MYO16: variants seen among roughly 807,000 people sequenced by gnomAD.
MYO16 encodes unconventional myosin-XVI.
A neutral mutation model predicts 205.3 loss-of-function variants in MYO16; 94 were observed. The ratio of observed to expected loss-of-function variants is 0.46; its 90% CI spans 0.39 to 0.54. MYO16 has a LOEUF of 0.54. Among genes scored for constraint, MYO16 ranks in the 20% least tolerant of loss-of-function variants. The pLI is 0.00. For synonymous variants in MYO16, 988 were observed against 954.0 expected, an observed-to-expected ratio of 1.04 and a Z score of -0.66; for missense variants, 2,315 against 2,387.5, an observed-to-expected ratio of 0.97 and a Z score of 0.63.
chr13:108,561,392 C>G, the MYO16 span, among the ~76,000 whole-genome samples: 1 of 152,222 alleles, frequency 6.6e-6, no homozygotes, highest in Non-Finnish European at 1.5e-5. Flanking sequence ...CCTGGCAAAA[C>G]CCTTGCTGAC....
At chr13:109,116,647 CT>C (rs1233008175) in intron 28 of MYO16, among the ~76,000 whole-genome samples, 1 of 152,206 alleles carries the variant, frequency 6.6e-6, no homozygotes, top group Admixed American at 6.5e-5. Context: ...ATAATTTACC[CT>C]CCATATCTGA....
At chr13:109,200,562 A>C (rs1880355343) in intron 34 of MYO16, among the ~76,000 whole-genome samples, 1 of 152,174 alleles carries the variant, frequency 6.6e-6, no homozygotes, top group South Asian at 2.1e-4. Flanking sequence ...TATGTGTGTA[A>C]GTTTCACCTT....
chr13:108,573,210 A>G, the MYO16 span, among the ~76,000 whole-genome samples: 2 of 152,224 alleles, frequency 1.3e-5, no homozygotes, highest in Non-Finnish European at 2.9e-5. Flanking sequence ...GAAACCAGCA[A>G]CAAGTGGGAG....
the MYO16 span, among the ~76,000 whole-genome samples, chr13:108,571,151 T>C: frequency 6.6e-6 from 1 of 152,182 alleles, no homozygotes; most frequent in African/African-American, 2.4e-5. Flanking sequence ...TTTTTTTCTT[T>C]GGACTCTTAA....
At chr13:108,866,327 A>T (rs537861887) in intron 12 of MYO16, 85 bp downstream of exon 12, 11 of 770,922 alleles carry the variant, frequency 1.4e-5, no homozygotes, top group Non-Finnish European at 2.0e-5. Context: ...ACTAAAAAAA[A>T]CAGGCAAACT....
At chr13:108,659,241 T>G (rs560966998) in intron 1 of MYO16, 1 of 161,650 alleles carries the variant, frequency 6.2e-6, no homozygotes, top group East Asian at 1.7e-4. Flanking sequence ...ATATATGCTA[T>G]ATATGATATA....
At chr13:109,128,746 G>T (rs1388934513) in intron 31 of MYO16, among the ~76,000 whole-genome samples, 1 of 150,988 alleles carries the variant, frequency 6.6e-6, no homozygotes, top group Admixed American at 6.6e-5. Context: ...TGTGCTGAGA[G>T]CACTTAGTGT....
intron 14 of MYO16, among the ~76,000 whole-genome samples, chr13:108,895,778 G>GAC (rs1162379526): frequency 1.3e-5 from 2 of 152,214 alleles, no homozygotes; most frequent in Non-Finnish European, 2.9e-5. Context: ...CACATGCACA[G>GAC]ACACATCACC....
intron 5 of MYO16, among the ~76,000 whole-genome samples, chr13:108,792,877 A>G (rs1395601427): frequency 6.6e-6 from 1 of 152,072 alleles, no homozygotes; most frequent in Non-Finnish European, 1.5e-5. Flanking sequence ...GGCCAGAAAA[A>G]TCAAAGAGAT....
intron 27 of MYO16, among the ~76,000 whole-genome samples, chr13:109,086,806 C>T (rs1888447173): frequency 6.6e-6 from 1 of 152,102 alleles, no homozygotes; most frequent in Admixed American, 6.6e-5. Context: ...TCAAAGGCAA[C>T]AGATCTATAT....
rs368952655 is a variant in MYO16, at chr13:109,184,755, C to A, written c.5415+5122C>A. 9.9e-4 allele frequency among the ~76,000 whole-genome samples: 151 copies of A among 151,780 alleles called. No individual in the cohort carries two copies. The South Asian group carries it at 0.028, about 28-fold the overall frequency. ...GGGATTACAGGCGCGTGCCACCACACTTGGCTAATTTTTTTCTTTTTTTTT... is the reference window on the plus strand; with the variant it reads ...GGGATTACAGGCGCGTGCCACCACAATTGGCTAATTTTTTTCTTTTTTTTT... On this transcript the variant is annotated intron_variant, in intron 34 of 34. Transcript: ENST00000457511.
intron 1 of MYO16, among the ~76,000 whole-genome samples, chr13:108,609,424 G>A (rs1052412676): frequency 6.6e-5 from 10 of 152,290 alleles, no homozygotes; most frequent in African/African-American, 2.4e-4. Flanking sequence ...GGTCTGTTCT[G>A]CTCACGGCAC....
At chr13:109,001,377 G>T (rs1169768940) in intron 21 of MYO16, among the ~76,000 whole-genome samples, 2 of 152,080 alleles carry the variant, frequency 1.3e-5, no homozygotes, top group Admixed American at 6.6e-5. Flanking sequence ...ACCCTTCTCT[G>T]CTGTGGCTAC....
chr13:108,556,543 GATATATGGGTTGCTA>G, the MYO16 span, among the ~76,000 whole-genome samples: 2 of 152,094 alleles, frequency 1.3e-5, no homozygotes, highest in Non-Finnish European at 2.9e-5. Context: ...TCTCTCATCA[GATATATGGGTTGCTA>G]ATATATTCTC....
chr13:108,926,070 G>A (rs370457230), intron 16 of MYO16, among the ~76,000 whole-genome samples: 12 of 152,126 alleles, frequency 7.9e-5, no homozygotes, highest in Admixed American at 4.6e-4. Flanking sequence ...TCCATGGCTC[G>A]TCCTCCAGAC....
chr13:108,590,617 G>A, the MYO16 span, among the ~76,000 whole-genome samples: 6 of 152,166 alleles, frequency 3.9e-5, no homozygotes, highest in African/African-American at 7.2e-5. Flanking sequence ...AATGACTGAT[G>A]TTCTTATGAG....
At chr13:109,023,704 T>C (rs868708740) in intron 23 of MYO16, among the ~76,000 whole-genome samples, 151 of 104,294 alleles carry the variant, frequency 1.4e-3, no homozygotes, top group South Asian at 1.8e-3. Flanking sequence ...TGTATATATG[T>C]ATATATACAA....
At chr13:109,183,686 T>A (rs1311399154) in intron 34 of MYO16, among the ~76,000 whole-genome samples, 1 of 152,252 alleles carries the variant, frequency 6.6e-6, no homozygotes, top group African/African-American at 2.4e-5. Context: ...TTGCCAAGTT[T>A]TTAAAAATAT....
chr13:108,798,399 T>C (rs1167170436), intron 6 of MYO16, among the ~76,000 whole-genome samples: 2 of 152,172 alleles, frequency 1.3e-5, no homozygotes, highest in African/African-American at 2.4e-5. Context: ...TGGAGTTGCC[T>C]TTACCTTCTT....
Sources: gnomAD v4.1 joint callset for allele counts (sites outside exome capture counted in the v4.1 genomes callset) on GRCh38, gnomAD v4.1.1 for gene constraint, MANE v1.5 for transcripts, NCBI Gene and HGNC (gene_info 2026-07-23, HGNC 2026-07-21) for gene names.